Variants in KISS1 observed in about 807,000 individuals in gnomAD.
The protein encoded by KISS1 is KiSS-1 metastasis suppressor.
For synonymous variants in KISS1, 97 were observed against 88.7 expected, an observed-to-expected ratio of 1.09 and a Z score of -0.52; for missense variants, 182 against 182.7, an observed-to-expected ratio of 1.00 and a Z score of 0.02.
rs1287651360 is a variant in KISS1, at chr1:204,192,322, C to T, written c.103+452G>A. Among the ~76,000 whole-genome samples, 2 of 151,982 alleles carry T rather than the reference C, an allele frequency of 1.3e-5. No individual in the cohort carries two copies. The highest frequency in any genetic ancestry group is 4.8e-5 in the African/African-American group (2 of 41,360). On this transcript the variant is annotated intron_variant, in intron 2 of 2. Coordinates refer to ENST00000367194, the MANE Select transcript of KISS1 (RefSeq NM_002256.4). This position sits in a 1 kb window ranked among gnomAD's most constrained non-coding sequence, Gnocchi z 4.2. ...TCAAATTTTCCAGCTTATCAGTTCCCCAATGAACTGGAGACAGTTCATTGT... is the reference window on the plus strand; with the variant it reads ...TCAAATTTTCCAGCTTATCAGTTCCTCAATGAACTGGAGACAGTTCATTGT...
chr1:204,194,017 C>A (rs1441623757), intron 1 of KISS1, among the ~76,000 whole-genome samples: 1 of 152,132 alleles, frequency 6.6e-6, no homozygotes, highest in African/African-American at 2.4e-5. Context: ...GGGATGAGAA[C>A]CTTTTGTGCC....
chr1:204,194,557 G>A (rs1158338969), intron 1 of KISS1, among the ~76,000 whole-genome samples: 3 of 152,176 alleles, frequency 2.0e-5, no homozygotes, highest in Non-Finnish European at 4.4e-5. Context: ...CAGAGTTGCT[G>A]CCCCCAAGAT....
chr1:204,192,969 G>GCC lies in KISS1; in HGVS notation c.-38-56_-38-55insGG. On this transcript the variant is annotated intron_variant, in intron 1 of 2. Transcript: ENST00000367194. This position sits in a 1 kb window ranked among gnomAD's most constrained non-coding sequence, Gnocchi z 4.2. ...GTCAGGCACAGGATCTGGGCTGGGT[G>GCC]CTGAGGGCAGAGCCCAGTGCAAAAG... The GCC allele has an allele frequency of 2.3e-6, 2 of 880,192 alleles. No homozygotes were observed. The highest frequency in any genetic ancestry group is 3.7e-6 in the Non-Finnish European group (2 of 541,916). The allele number at this position is 880,192 out of a possible 1,614,324, so 54.5% of individuals were successfully genotyped here. A position where few individuals can be genotyped will look rare whatever the true frequency, so the allele number is the denominator to read the frequency against.
Position 204,192,143 on chromosome 1 carries a change from C to T in KISS1, c.103+631G>A, listed in dbSNP as rs1284236764. On this transcript the variant is annotated intron_variant, in intron 2 of 2. Coordinates refer to ENST00000367194, the MANE Select transcript of KISS1 (RefSeq NM_002256.4). The surrounding 1 kb of genome is among the most constrained non-coding windows in gnomAD (Gnocchi z 4.2). ...TTCTAGTTTGCCCAGAAAGCTGACA[C>T]CAGGAAGTGTGCCAAGCCACAGCTC... 6.6e-6 allele frequency among the ~76,000 whole-genome samples: 1 copy of T among 152,100 alleles called. No homozygotes were observed. The highest frequency in any genetic ancestry group is 2.4e-5 in the African/African-American group (1 of 41,392).
At chr1:204,191,039 C>T (rs1036159867) in intron 2 of KISS1, among the ~76,000 whole-genome samples, 2 of 152,164 alleles carry the variant, frequency 1.3e-5, no homozygotes, top group Admixed American at 6.5e-5. Context: ...TCTCATATTA[C>T]GTTACTTCCT....
chr1:204,195,909 T>C (rs545693181), intron 1 of KISS1, among the ~76,000 whole-genome samples: 2 of 152,118 alleles, frequency 1.3e-5, no homozygotes, highest in Non-Finnish European at 2.9e-5. Flanking sequence ...ATTCCAGGCA[T>C]GGTTGGAAAG....
chr1:204,192,678 A>T lies in KISS1; in HGVS notation c.103+96T>A. ...TTAGATTTCCACCAAATGCAATGTT[A>T]AACTCACACCAGTCGACTAGATGGA... On this transcript the variant is annotated intron_variant, in intron 2 of 2. Transcript: ENST00000367194. The surrounding 1 kb of genome is among the most constrained non-coding windows in gnomAD (Gnocchi z 4.2). The T allele has an allele frequency of 1.3e-6, 1 of 780,020 alleles. No homozygotes were observed. The highest frequency in any genetic ancestry group is 2.2e-6 in the Non-Finnish European group (1 of 444,802). The allele number at this position is 780,020 out of a possible 1,614,324, so 48.3% of individuals were successfully genotyped here.
At chr1:204,195,407 GCACACA>G (rs1262167849) in intron 1 of KISS1, among the ~76,000 whole-genome samples, 5 of 30,764 alleles carry the variant, frequency 1.6e-4, no homozygotes, top group Non-Finnish European at 3.4e-4. Context: ...CACCACACAC[GCACACA>G]CACCACACAC....
intron 1 of KISS1, among the ~76,000 whole-genome samples, chr1:204,194,013 A>G (rs1367199026): frequency 6.6e-6 from 1 of 152,184 alleles, no homozygotes; most frequent in African/African-American, 2.4e-5. Context: ...CTGGGGGATG[A>G]GAACCTTTTG....
chr1:204,193,556 T>C (rs1308242723), intron 1 of KISS1, among the ~76,000 whole-genome samples: 3 of 152,182 alleles, frequency 2.0e-5, no homozygotes, highest in Admixed American at 6.5e-5. Flanking sequence ...AAAGAGGCAA[T>C]CATCTTGCTC....
chr1:204,196,082 C>CT lies in KISS1; in HGVS notation c.-39+293dup, dbSNP rs573301973. ...GTCCATCCAAGCGTGTCTGTGGTCT[C>CT]TAATTCCAGCCACAGCATTTATTTA... is the stretch of plus-strand genomic sequence containing the variant. On this transcript the variant is annotated intron_variant, in intron 1 of 2. Transcript: ENST00000367194. Among the ~76,000 whole-genome samples the CT allele has an allele frequency of 3.2e-4, 48 of 152,346 alleles. No individual in the cohort carries two copies. The South Asian group carries it at 9.7e-3, about 31-fold the overall frequency.
At chr1:204,195,186 GCACACA>G (rs796876047) in intron 1 of KISS1, among the ~76,000 whole-genome samples, 22 of 6,992 alleles carry the variant, frequency 3.1e-3, no homozygotes, top group Non-Finnish European at 5.1e-3. Context: ...CACCACACAT[GCACACA>G]CACACCACAC....
intron 1 of KISS1, among the ~76,000 whole-genome samples, chr1:204,195,292 A>ACATACACG (rs1558254760): frequency 1.1e-4 from 1 of 9,416 alleles, no homozygotes; most frequent in Non-Finnish European, 2.7e-4. Flanking sequence ...CACACCACAC[A>ACATACACG]CATACACCCA....
At position 204,192,697 on chromosome 1, in the gene KISS1, A is replaced by G. The variant is rs1658765322; in HGVS notation, c.103+77T>C. 8 of 861,614 alleles carry G rather than the reference A, an allele frequency of 9.3e-6. No individual in the cohort carries two copies. Among genetic ancestry groups the G allele is most frequent in the Non-Finnish European group, 1.5e-5 (8 of 516,780 alleles). 53.4% of individuals were successfully genotyped at this position (861,614 alleles called of 1,614,324 possible). A position where few individuals can be genotyped will look rare whatever the true frequency, so the allele number is the denominator to read the frequency against. On this transcript the variant is annotated intron_variant, in intron 2 of 2. Transcript: ENST00000367194. This position sits in a 1 kb window ranked among gnomAD's most constrained non-coding sequence, Gnocchi z 4.2. Reference sequence around the variant, plus strand: ...AATGTTAAACTCACACCAGTCGACTAGATGGAAAATACGGGAAAGCTCATT... The same window carrying G: ...AATGTTAAACTCACACCAGTCGACTGGATGGAAAATACGGGAAAGCTCATT...
At position 204,190,762 on chromosome 1, in the gene KISS1, CGG is replaced by C. The variant is rs759284873; in HGVS notation, c.137_138del (p.Pro46ArgfsTer120). ...TCGGTGCACGGCAGGCTCTGCTCCC[CGG>C]GGGCCAGGAGGCCCAGGGATTCTAG... is the stretch of plus-strand genomic sequence containing the variant. ...QQLESLGLLA[P>X]GEQSLPCTER... On this transcript the variant is annotated frameshift_variant, in exon 3 of 3. Transcript: ENST00000367194. LOFTEE classifies it low-confidence loss of function (END_TRUNC). 1.2e-6 allele frequency: 2 copies of C among 1,611,572 alleles called. No individual in the cohort carries two copies. Among genetic ancestry groups the C allele is most frequent in the African/African-American group, 1.3e-5 (1 of 74,990 alleles).
chr1:204,195,192 A>ACACACCACACACG (rs1658816884), intron 1 of KISS1, among the ~76,000 whole-genome samples: 1 of 144,542 alleles, frequency 6.9e-6, no homozygotes, highest in Non-Finnish European at 1.5e-5. Context: ...ACATGCACAC[A>ACACACCACACACG]CACACCACAC....
intron 2 of KISS1, among the ~76,000 whole-genome samples, chr1:204,191,469 G>A (rs1467036643): frequency 6.6e-6 from 1 of 150,646 alleles, no homozygotes; most frequent in Non-Finnish European, 1.5e-5. Flanking sequence ...CCTTCATTCT[G>A]AGGATTAACA....
intron 1 of KISS1, among the ~76,000 whole-genome samples, chr1:204,195,301 CAT>C (rs1195215015): frequency 2.3e-5 from 1 of 43,350 alleles, no homozygotes; most frequent in Non-Finnish European, 4.8e-5. Flanking sequence ...CACATACACC[CAT>C]ACACACACAT....
Position 204,190,693 on chromosome 1 carries a change from AGGTCCCCCGACGGCTCAGCCT to A in KISS1, c.187_207del (p.Arg63_Thr69del), listed in dbSNP as rs1023685644. The A allele has an allele frequency of 8.8e-6, 14 of 1,597,306 alleles. No homozygotes were observed. The highest frequency in any genetic ancestry group is 1.3e-5 in the African/African-American group (1 of 74,194). The stretch of plus-strand genomic sequence containing the variant: ...GAGCTCTCGGGGGGCGGGGACAGCG[AGGTCCCCCGACGGCTCAGCCT>A]GGCAGTAGCAGCTGGCTTCCTCTCG... On this transcript the variant is annotated inframe_deletion, in exon 3 of 3. Coordinates refer to ENST00000367194, the MANE Select transcript of KISS1 (RefSeq NM_002256.4).
Sources: gnomAD v4.1 joint callset for allele counts (sites outside exome capture counted in the v4.1 genomes callset) on GRCh38, gnomAD v4.1.1 for gene constraint, Gnocchi (gnomAD v3.1) non-coding constraint, MANE v1.5 for transcripts, NCBI Gene and HGNC (gene_info 2026-07-23, HGNC 2026-07-21) for gene names.